The following LRPPRC variants were observed in gnomAD, a reference collection of about 807,000 sequenced individuals.
The protein encoded by LRPPRC is leucine-rich PPR motif-containing protein, mitochondrial.
A neutral mutation model predicts 180.3 loss-of-function variants in LRPPRC; 120 were observed. That is an observed-to-expected ratio of 0.67 (90% CI 0.57 to 0.77). The LOEUF (loss-of-function observed/expected upper bound fraction) is 0.77. LRPPRC is among the 30% of genes least tolerant of loss of function. The pLI, the probability that LRPPRC is intolerant of heterozygous loss-of-function variation, is 0.00. For synonymous variants in LRPPRC, 723 were observed against 600.0 expected, an observed-to-expected ratio of 1.21 and a Z score of -3.00; for missense variants, 2,012 against 1,657.2, an observed-to-expected ratio of 1.21 and a Z score of -3.72.
At chr2:43,992,085 G>A (rs769858977) in intron 1 of LRPPRC, among the ~76,000 whole-genome samples, 2 of 150,368 alleles carry the variant, frequency 1.3e-5, no homozygotes, top group Admixed American at 6.6e-5. Context: ...GTGAGTGCAC[G>A]TCATAGTGTT....
At position 43,889,830 on chromosome 2, in the gene LRPPRC, C is replaced by G; in HGVS notation, c.4032G>C (p.Leu1344Phe). 1 of 1,610,018 alleles carries G rather than the reference C, an allele frequency of 6.2e-7. No homozygotes were observed. The highest frequency in any genetic ancestry group is 8.5e-7 in the Non-Finnish European group (1 of 1,176,238). Residue 1344 changes from leucine to phenylalanine, a missense_variant, in exon 37 of 38, where the codon TTG becomes TTC. Leu to Phe is a conservative substitution (Grantham distance 22, BLOSUM62 0). Transcript: ENST00000260665. ...CATCCAATTTTGTATTCTTTGCAGTCAAATGTTCATACAGTGCTTTAGCAG... is the reference window on the plus strand; with the variant it reads ...CATCCAATTTTGTATTCTTTGCAGTGAAATGTTCATACAGTGCTTTAGCAG... ...VTSAKALYEH[L>F]TAKNTKLDDL...
At chr2:43,968,920 G>A (rs1023384823) in intron 11 of LRPPRC, among the ~76,000 whole-genome samples, 5 of 152,212 alleles carry the variant, frequency 3.3e-5, no homozygotes, top group African/African-American at 9.6e-5. Flanking sequence ...AACTATGGGT[G>A]TTGAAGGTTT....
chr2:43,970,137 G>A (rs1209523044), intron 11 of LRPPRC, among the ~76,000 whole-genome samples: 2 of 152,116 alleles, frequency 1.3e-5, no homozygotes, highest in African/African-American at 4.8e-5. Flanking sequence ...TATTCTTACA[G>A]GAAACCCTTC....
intron 13 of LRPPRC, among the ~76,000 whole-genome samples, chr2:43,958,381 C>T (rs1008828283): frequency 1.3e-5 from 2 of 152,072 alleles, no homozygotes; most frequent in African/African-American, 4.8e-5. Context: ...GGTTAAGGTA[C>T]CTGGTTTCAT....
intron 25 of LRPPRC, among the ~76,000 whole-genome samples, chr2:43,928,218 GA>G (rs977212520): frequency 2.6e-5 from 4 of 151,490 alleles, no homozygotes; most frequent in African/African-American, 7.3e-5. Flanking sequence ...TTGTATAGGG[GA>G]AAAAAAAGTA....
intron 14 of LRPPRC, among the ~76,000 whole-genome samples, chr2:43,954,256 G>A (rs886886084): frequency 1.3e-5 from 2 of 152,090 alleles, no homozygotes; most frequent in Admixed American, 6.5e-5. Flanking sequence ...CTTACAAATT[G>A]ACAACAAAAA....
intron 3 of LRPPRC, among the ~76,000 whole-genome samples, chr2:43,979,580 C>T (rs186052175): frequency 3.3e-5 from 5 of 152,044 alleles, no homozygotes; most frequent in Non-Finnish European, 7.4e-5. Context: ...ACAGACAAAC[C>T]GGCTATTTTC....
rs1167004179 is a variant in LRPPRC, at chr2:43,943,758, G to A, written c.2433C>T (p.Ala811=). 6.2e-7 allele frequency: 1 copy of A among 1,613,502 alleles called. No individual in the cohort carries two copies. The highest frequency in any genetic ancestry group is 2.2e-5 in the East Asian group (1 of 44,860). ...EIETVKQLHE[A]IVTLGLAEPS... Reference sequence around the variant, plus strand: ...GTTCTGCTAACCCTAGAGTCACGATGGCTTCATGCAACTGTTTTACTGTTT... The same window carrying A: ...GTTCTGCTAACCCTAGAGTCACGATAGCTTCATGCAACTGTTTTACTGTTT... The change falls in exon 23 of 38, where the codon GCC becomes GCT. Residue 811 remains alanine (A), a synonymous_variant. Coordinates refer to ENST00000260665, the MANE Select transcript of LRPPRC (RefSeq NM_133259.4).
In LRPPRC at chr2:43,901,765, A is replaced by T. The variant is rs1356154623; in HGVS notation, c.3365-241T>A. On this transcript the variant is annotated intron_variant, in intron 31 of 37. Coordinates refer to ENST00000260665, the MANE Select transcript of LRPPRC (RefSeq NM_133259.4). ...TTCTTTAAGTCACAGAGAAAATACA[A>T]ATGTTACCGACAATATGAGTTCCAT... is the stretch of plus-strand genomic sequence containing the variant. The T allele has an allele frequency of 3.2e-5, 16 of 504,488 alleles. No individual in the cohort carries two copies. The South Asian group carries it at 3.5e-4, about 11-fold the overall frequency. 31.3% of individuals were successfully genotyped at this position (504,488 alleles called of 1,614,324 possible). A position where few individuals can be genotyped will look rare whatever the true frequency, so the allele number is the denominator to read the frequency against.
At chr2:43,947,480 T>C (rs1672730653) in intron 19 of LRPPRC, 110 bp from the exon 20 acceptor site, 10 of 692,882 alleles carry the variant, frequency 1.4e-5, no homozygotes, top group Non-Finnish European at 2.6e-5. Context: ...CTAAATGTCA[T>C]AAATGCTATC....
At chr2:43,959,709 T>G (rs1055314119) in intron 13 of LRPPRC, among the ~76,000 whole-genome samples, 1 of 151,682 alleles carries the variant, frequency 6.6e-6, no homozygotes, top group African/African-American at 2.4e-5. Context: ...GTGGTGAAAC[T>G]CTGTCTCTAC....
At chr2:43,941,076 TAATTTTCTAA>T (rs1209348601) in intron 23 of LRPPRC, among the ~76,000 whole-genome samples, 8 of 152,230 alleles carry the variant, frequency 5.3e-5, no homozygotes, top group Non-Finnish European at 1.2e-4. Flanking sequence ...AACTTCTTTA[TAATTTTCTAA>T]ATCTGTTATT....
At chr2:43,910,190 C>A (rs1183458177) in intron 30 of LRPPRC, among the ~76,000 whole-genome samples, 4 of 151,924 alleles carry the variant, frequency 2.6e-5, no homozygotes, top group African/African-American at 9.7e-5. Flanking sequence ...AGCATGCACA[C>A]TGCATGAACA....
intron 13 of LRPPRC, among the ~76,000 whole-genome samples, chr2:43,958,392 T>C (rs766479639): frequency 6.6e-6 from 1 of 152,138 alleles, no homozygotes; most frequent in Admixed American, 6.6e-5. Flanking sequence ...CTGGTTTCAT[T>C]AAAGAAAAAT....
chr2:43,958,650 G>A (rs1228310170), intron 13 of LRPPRC, among the ~76,000 whole-genome samples: 1 of 152,136 alleles, frequency 6.6e-6, no homozygotes, highest in Admixed American at 6.5e-5. Context: ...AATTTCATGT[G>A]ATCAAATTAG....
chr2:43,963,438 C>G, intron 12 of LRPPRC, 150 bp downstream of exon 12: 4 of 675,580 alleles, frequency 5.9e-6, no homozygotes, highest in Non-Finnish European at 1.1e-5. Flanking sequence ...GAGAGAAACT[C>G]CATCTCAAAA....
chr2:43,987,361 G>A (rs1674572378), intron 1 of LRPPRC, among the ~76,000 whole-genome samples: 2 of 151,904 alleles, frequency 1.3e-5, no homozygotes, highest in African/African-American at 4.8e-5. Context: ...CAGGGGCCGT[G>A]GCGGGCGCCT....
chr2:43,918,804 T>TATAG (rs1671580848), intron 27 of LRPPRC, among the ~76,000 whole-genome samples: 4 of 136,542 alleles, frequency 2.9e-5, no homozygotes, highest in African/African-American at 1.3e-4. Context: ...TATATATATA[T>TATAG]ATATAGATAT....
chr2:43,917,746 G>A (rs190474222), intron 29 of LRPPRC, among the ~76,000 whole-genome samples: 5 of 152,086 alleles, frequency 3.3e-5, no homozygotes, highest in East Asian at 3.9e-4. Flanking sequence ...CTGAGATCAC[G>A]CTACTACACT....
Sources: gnomAD v4.1 joint callset for allele counts (sites outside exome capture counted in the v4.1 genomes callset) on GRCh38, gnomAD v4.1.1 for gene constraint, MANE v1.5 for transcripts, NCBI Gene and HGNC (gene_info 2026-07-23, HGNC 2026-07-21) for gene names.